The following SLURP2 variants were observed in gnomAD, a reference collection of about 807,000 sequenced individuals.
The protein encoded by SLURP2 is secreted LY6/PLAUR domain containing 2, also known as secreted Ly-6/uPAR domain-containing protein 2.
A neutral mutation model predicts 9.8 loss-of-function variants in SLURP2; 4 were observed. That is an observed-to-expected ratio of 0.41 (90% CI 0.20 to 0.94). The LOEUF (loss-of-function observed/expected upper bound fraction) is 0.94, where lower values mean the gene tolerates loss of function less well. Among genes scored for constraint, SLURP2 ranks in the 40% least tolerant of loss-of-function variants. SLURP2 has a pLI of 0.32. For synonymous variants in SLURP2, 58 were observed against 56.2 expected (o/e 1.03, Z -0.15); for missense variants, 118 against 126.4 (o/e 0.93, Z 0.32).
chr8:142,764,547 C>A lies in SLURP2; in HGVS notation c.*58G>T. 6.3e-7 allele frequency: 1 copy of A among 1,575,062 alleles called. No individual in the cohort carries two copies. The highest frequency in any genetic ancestry group is 2.3e-5 in the East Asian group (1 of 44,334). The stretch of plus-strand genomic sequence containing the variant: ...AGGGAGGGGCAGCTGTGAGCCCTGG[C>A]GCCAGGCTGTGGGGGCTGTGGGGGC... On this transcript the variant is annotated 3_prime_UTR_variant, in exon 3 of 3. Transcript: ENST00000317543.
chr8:142,767,900 AAATGAATGAATGAATG>A (rs60268524), intron 1 of SLURP2, among the ~76,000 whole-genome samples: 7 of 140,746 alleles, frequency 5.0e-5, no homozygotes, highest in African/African-American at 1.8e-4. Flanking sequence ...ATGAATGAAT[AAATGAATGAATGAATG>A]AATGAATGAA....
At chr8:142,764,809 T>G in intron 2 of SLURP2, 68 bp from the exon 3 acceptor site, 1 of 1,576,596 alleles carries the variant, frequency 6.3e-7, no homozygotes. Flanking sequence ...TGCTGCCCCA[T>G]CTGCCACTGA....
Position 142,764,562 on chromosome 8 carries a change from G to A in SLURP2, c.*43C>T, listed in dbSNP as rs748192930. ...TGAGCCCTGGCGCCAGGCTGTGGGG[G>A]CTGTGGGGGCTGAGCGTCCGGGGGC... On this transcript the variant is annotated 3_prime_UTR_variant, in exon 3 of 3. Transcript: ENST00000317543. 1.2e-5 allele frequency: 19 copies of A among 1,590,050 alleles called. No individual in the cohort carries two copies. Among genetic ancestry groups the A allele is most frequent in the South Asian group, 2.2e-5 (2 of 89,042 alleles).
intron 1 of SLURP2, chr8:142,766,480 G>A (rs1295220502): frequency 6.6e-6 from 1 of 152,266 alleles, no homozygotes; most frequent in Non-Finnish European, 1.5e-5. Context: ...GCGGCACCCA[G>A]GCAGCTGCAG....
At position 142,764,601 on chromosome 8, in the gene SLURP2, G is replaced by C. The variant is rs1814938147; in HGVS notation, c.*4C>G. 2 of 1,602,428 alleles carry C rather than the reference G, an allele frequency of 1.2e-6. No individual in the cohort carries two copies. The highest frequency in any genetic ancestry group is 1.7e-6 in the Non-Finnish European group (2 of 1,175,972). Reference sequence around the variant, plus strand: ...GCGTCCGGGGGCCTGGAGGAGGGCAGCCGTCAGTCATGGTTGCAGAGGCTG... The same window carrying C: ...GCGTCCGGGGGCCTGGAGGAGGGCACCCGTCAGTCATGGTTGCAGAGGCTG... On this transcript the variant is annotated 3_prime_UTR_variant, in exon 3 of 3. Transcript: ENST00000317543.
rs919608258 is a variant in SLURP2, at chr8:142,768,808, T to G, written c.52+947A>C. Among the ~76,000 whole-genome samples, 1 of 151,968 alleles carries G rather than the reference T, an allele frequency of 6.6e-6. No individual in the cohort carries two copies. Among genetic ancestry groups the G allele is most frequent in the African/African-American group, 2.4e-5 (1 of 41,364 alleles). Reference sequence around the variant, plus strand: ...CTCTCATAGGCCAGGAGGGTGCCCCTGGGGATGGAGACTGGAGGGATGTAA... The same window carrying G: ...CTCTCATAGGCCAGGAGGGTGCCCCGGGGGATGGAGACTGGAGGGATGTAA... On this transcript the variant is annotated intron_variant, in intron 1 of 2. Coordinates refer to ENST00000317543, the MANE Select transcript of SLURP2 (RefSeq NM_177458.3). This position sits in a 1 kb window ranked among gnomAD's most constrained non-coding sequence, Gnocchi z 4.8.
chr8:142,765,563 G>A (rs907945134), intron 1 of SLURP2, among the ~76,000 whole-genome samples: 1 of 152,164 alleles, frequency 6.6e-6, no homozygotes, highest in African/African-American at 2.4e-5. Flanking sequence ...TTAGACCCCC[G>A]GGACTGGATT....
intron 1 of SLURP2, 54 bp downstream of exon 1, chr8:142,769,701 G>A: frequency 6.6e-7 from 1 of 1,523,042 alleles, no homozygotes; most frequent in Non-Finnish European, 9.0e-7. Context: ...GACGGTGGTT[G>A]GGCTAGAGTG....
At chr8:142,765,390 G>A (rs587615047) in intron 1 of SLURP2, among the ~76,000 whole-genome samples, 1 of 151,756 alleles carries the variant, frequency 6.6e-6, no homozygotes, top group Admixed American at 6.6e-5. Flanking sequence ...CAAGGGTGGG[G>A]CCGGGCAGCC....
rs1213211110 is a variant in SLURP2 at position 142,768,046 on chromosome 8, G to C, written c.52+1709C>G. On this transcript the variant is annotated intron_variant, in intron 1 of 2. Coordinates refer to ENST00000317543, the MANE Select transcript of SLURP2 (RefSeq NM_177458.3). The surrounding 1 kb of genome is among the most constrained non-coding windows in gnomAD (Gnocchi z 4.8). The stretch of plus-strand genomic sequence containing the variant: ...CCTGAGGGAAGCAGATAAAATGTTA[G>C]CTCCAAACCGGAAAGGCTGCTCGAT... 1.3e-5 allele frequency among the ~76,000 whole-genome samples: 2 copies of C among 151,786 alleles called. No homozygotes were observed. The highest frequency in any genetic ancestry group is 2.9e-5 in the Non-Finnish European group (2 of 67,988).
intron 1 of SLURP2, among the ~76,000 whole-genome samples, chr8:142,765,973 AC>A (rs1563833345): frequency 2.7e-5 from 2 of 74,284 alleles, no homozygotes; most frequent in Non-Finnish European, 6.6e-5. Context: ...AAAAAAAAAA[AC>A]AAAAAACAAA....
chr8:142,764,448 C>T lies in SLURP2; in HGVS notation c.*157G>A, dbSNP rs760422284. On this transcript the variant is annotated 3_prime_UTR_variant, in exon 3 of 3. Transcript: ENST00000317543. Reference sequence around the variant, plus strand: ...GGCAGCAGATTGAGGCAAGACTCCACGCAGGACTTCCCTAGGACAAGCGGT... The same window carrying T: ...GGCAGCAGATTGAGGCAAGACTCCATGCAGGACTTCCCTAGGACAAGCGGT... 19 of 824,284 alleles carry T rather than the reference C, an allele frequency of 2.3e-5. No individual in the cohort carries two copies. The highest frequency in any genetic ancestry group is 1.9e-4 in the African/African-American group (11 of 58,966). The allele number at this position is 824,284 out of a possible 1,614,324, so 51.1% of individuals were successfully genotyped here.
At chr8:142,765,539 C>G (rs930455336) in intron 1 of SLURP2, among the ~76,000 whole-genome samples, 1 of 152,148 alleles carries the variant, frequency 6.6e-6, no homozygotes, top group African/African-American at 2.4e-5. Context: ...CCTCTGGGTA[C>G]TGAGTGGGAC....
rs771888065 is a variant in SLURP2, at chr8:142,768,777, C to T, written c.52+978G>A. On this transcript the variant is annotated intron_variant, in intron 1 of 2. Coordinates refer to ENST00000317543, the MANE Select transcript of SLURP2 (RefSeq NM_177458.3). This position sits in a 1 kb window ranked among gnomAD's most constrained non-coding sequence, Gnocchi z 4.8. ...CTGGGGCAGTCCTCAGGGTCAGCGGCTCAGCCTCTCATAGGCCAGGAGGGT... is the reference window on the plus strand; with the variant it reads ...CTGGGGCAGTCCTCAGGGTCAGCGGTTCAGCCTCTCATAGGCCAGGAGGGT... Among the ~76,000 whole-genome samples the T allele has an allele frequency of 1.3e-5, 2 of 152,142 alleles. No homozygotes were observed. Among genetic ancestry groups the T allele is most frequent in the Non-Finnish European group, 2.9e-5 (2 of 68,006 alleles).
At chr8:142,765,613 G>C (rs1001430542) in intron 1 of SLURP2, among the ~76,000 whole-genome samples, 28 of 152,132 alleles carry the variant, frequency 1.8e-4, no homozygotes, top group Non-Finnish European at 3.5e-4. Context: ...GCCTCCACAG[G>C]GAGCCCAGGG....
intron 1 of SLURP2, 36 bp from the exon 2 acceptor site, chr8:142,765,176 G>A (rs768944587): frequency 1.2e-5 from 18 of 1,544,116 alleles, no homozygotes; most frequent in South Asian, 9.3e-5. Context: ...ACAAACGGAT[G>A]GGAGGCAGGT....
chr8:142,764,741 C>T lies in SLURP2; in HGVS notation c.158G>A (p.Arg53Gln), dbSNP rs1225345106. The change falls in exon 3 of 3, where the codon CGG (arginine) becomes CAG (glutamine). Residue 53 changes from arginine to glutamine, a missense_variant and splice_region_variant. Physicochemically the swap from Arg to Gln is conservative, Grantham distance 43 (BLOSUM62 1). Coordinates refer to ENST00000317543, the MANE Select transcript of SLURP2 (RefSeq NM_177458.3). ...DSTHCVTTAT[R>Q]VLSNTEDLPL... ...CAAATCCTCGGTGTTGCTGAGGACCCCTGAGTGGGCAGGAGAGAAACCATG... is the reference window on the plus strand; with the variant it reads ...CAAATCCTCGGTGTTGCTGAGGACCTCTGAGTGGGCAGGAGAGAAACCATG... 2 of 1,613,082 alleles carry T rather than the reference C, an allele frequency of 1.2e-6. No homozygotes were observed. The highest frequency in any genetic ancestry group is 1.7e-6 in the Non-Finnish European group (2 of 1,179,692).
At chr8:142,767,430 G>T (rs1327920930) in intron 1 of SLURP2, among the ~76,000 whole-genome samples, 1 of 152,234 alleles carries the variant, frequency 6.6e-6, no homozygotes, top group African/African-American at 2.4e-5. Context: ...GGCAGCCACA[G>T]GCCACAGCTG....
chr8:142,768,754 G>A lies in SLURP2; in HGVS notation c.52+1001C>T, dbSNP rs587656313. Reference sequence around the variant, plus strand: ...AGAGCTGGTCTGCCCTCATGACCCTGGGGCAGTCCTCAGGGTCAGCGGCTC... The same window carrying A: ...AGAGCTGGTCTGCCCTCATGACCCTAGGGCAGTCCTCAGGGTCAGCGGCTC... On this transcript the variant is annotated intron_variant, in intron 1 of 2. Transcript: ENST00000317543. This position sits in a 1 kb window ranked among gnomAD's most constrained non-coding sequence, Gnocchi z 4.8. 2.6e-5 allele frequency among the ~76,000 whole-genome samples: 4 copies of A among 152,264 alleles called. No homozygotes were observed. In the East Asian group the frequency reaches 7.7e-4, roughly 29 times the overall value.
Sources: allele counts gnomAD v4.1 joint callset (sites outside exome capture counted in the v4.1 genomes callset), GRCh38; gene constraint gnomAD v4.1.1; non-coding constraint Gnocchi (gnomAD v3.1); transcripts MANE v1.5; gene names NCBI Gene and HGNC (gene_info 2026-07-23, HGNC 2026-07-21).